Variants in STAB2 observed in about 807,000 individuals in gnomAD.
STAB2 encodes the protein stabilin 2.
A neutral mutation model predicts 338.1 loss-of-function variants in STAB2; 288 were observed. The ratio of observed to expected loss-of-function variants is 0.85; its 90% CI spans 0.77 to 0.94. The LOEUF (loss-of-function observed/expected upper bound fraction) is 0.94. Ranked by LOEUF, STAB2 falls within the 40% of genes least tolerant of loss-of-function variation. The pLI is 0.00. For synonymous variants in STAB2, 1,202 were observed against 1,193.3 expected (o/e 1.01, Z -0.15); for missense variants, 3,141 against 3,210.1 (o/e 0.98, Z 0.52).
intron 50 of STAB2, among the ~76,000 whole-genome samples, chr12:103,732,109 T>A (rs750473855): frequency 1.3e-5 from 2 of 151,902 alleles, no homozygotes; most frequent in African/African-American, 4.8e-5. Context: ...AGGAGTTTGA[T>A]ACCAGCCTGG....
intron 37 of STAB2, 129 bp downstream of exon 37, chr12:103,705,856 T>C (rs1879303550): frequency 1.2e-6 from 1 of 822,946 alleles, no homozygotes; most frequent in South Asian, 1.6e-5. Flanking sequence ...ACCTGCATTA[T>C]CATTGTCATC....
chr12:103,744,461 CTT>C (rs3035275), intron 56 of STAB2, among the ~76,000 whole-genome samples: 21,275 of 122,030 alleles, frequency 0.17, 2,536 homozygotes, highest in East Asian at 0.66. Flanking sequence ...CACAATTTTA[CTT>C]TTTTTTTTTT....
At chr12:103,718,952 A>G (rs1880543131) in intron 44 of STAB2, among the ~76,000 whole-genome samples, 1 of 152,092 alleles carries the variant, frequency 6.6e-6, no homozygotes, top group Non-Finnish European at 1.5e-5. Flanking sequence ...TTGTTGACAC[A>G]CTTCTTGTCT....
intron 34 of STAB2, among the ~76,000 whole-genome samples, chr12:103,702,860 G>A (rs929504205): frequency 6.6e-6 from 1 of 152,202 alleles, no homozygotes; most frequent in Non-Finnish European, 1.5e-5. Context: ...CTTCATGGAA[G>A]ATACCTAGAA....
At position 103,594,507 on chromosome 12, in the gene STAB2, A is replaced by G. The variant is rs17034186; in HGVS notation, c.328A>G (p.Ile110Val). The G allele has an allele frequency of 6.7e-3, 10,769 of 1,612,076 alleles. 668 individuals carry two copies. The African/African-American group carries it at 0.13, about 19-fold the overall frequency. ...TCCTGGCCGCTGGGGCCCAGACTGT[A>G]TAGGTAAGTGGCACAATGCTTGGAC... ...CCPGRWGPDC[I>V]ECPGGAGSPC... The change falls in exon 3 of 69, where the codon ATA becomes GTA. Residue 110 changes from isoleucine to valine, a missense_variant. Physicochemically the swap from Ile to Val is conservative, Grantham distance 29. Coordinates refer to ENST00000388887, the MANE Select transcript of STAB2 (RefSeq NM_017564.10).
At position 103,587,565 on chromosome 12, in the gene STAB2, G is replaced by A. The variant is rs1474384601; in HGVS notation, c.81+8G>A. 2 of 1,610,944 alleles carry A rather than the reference G, an allele frequency of 1.2e-6. No homozygotes were observed. The highest frequency in any genetic ancestry group is 1.7e-6 in the Non-Finnish European group (2 of 1,177,408). ...GCTGAAACCACAGGGCAGGTAAGAG[G>A]AGACTTACATATTTTTTTCATTTGT... On this transcript the variant is annotated splice_region_variant and intron_variant, in intron 1 of 68. Transcript: ENST00000388887.
At position 103,745,255 on chromosome 12, in the gene STAB2, C is replaced by A; in HGVS notation, c.6114C>A (p.Gly2038=). ...GCCTCTGTGAAACGGGGTGGACAGG[C>A]CCCTCGTGTGACACTCAGGCAGGTC... ...GQCLCETGWT[G]PSCDTQAVLP... Residue 2038 remains glycine (G), a synonymous_variant, in exon 57 of 69, where the codon GGC becomes GGA. Coordinates refer to ENST00000388887, the MANE Select transcript of STAB2 (RefSeq NM_017564.10). 6.2e-7 allele frequency: 1 copy of A among 1,613,716 alleles called. No individual in the cohort carries two copies. The highest frequency in any genetic ancestry group is 8.5e-7 in the Non-Finnish European group (1 of 1,179,930).
intron 6 of STAB2, among the ~76,000 whole-genome samples, chr12:103,634,931 G>T (rs1378014316): frequency 6.6e-6 from 1 of 152,208 alleles, no homozygotes; most frequent in South Asian, 2.1e-4. Context: ...AACTAGTCAC[G>T]TGATCTTTCC....
chr12:103,761,389 A>G lies in STAB2; in HGVS notation c.7338A>G (p.Leu2446=), dbSNP rs1158072981. 6.2e-7 allele frequency: 1 copy of G among 1,613,696 alleles called. No homozygotes were observed. The highest frequency in any genetic ancestry group is 8.5e-7 in the Non-Finnish European group (1 of 1,179,962). Residue 2446 remains leucine, a synonymous_variant, in exon 66 of 69, where the codon TTA becomes TTG. Coordinates refer to ENST00000388887, the MANE Select transcript of STAB2 (RefSeq NM_017564.10). ...TCATTCATGTCATTTCCAGGCCTTTAAAAGCACCCCCTGCCCCCGTGGTGA... is the reference window on the plus strand; with the variant it reads ...TCATTCATGTCATTTCCAGGCCTTTGAAAGCACCCCCTGCCCCCGTGGTGA... ...NGIIHVISRP[L]KAPPAPVTLT... is the part of the protein sequence containing the mutation.
At chr12:103,638,470 G>A (rs1452710050) in intron 8 of STAB2, among the ~76,000 whole-genome samples, 2 of 152,104 alleles carry the variant, frequency 1.3e-5, no homozygotes, top group Non-Finnish European at 2.9e-5. Context: ...GTCCTATATG[G>A]TGTTTGGCAA....
rs751407892 is a variant in STAB2 at position 103,733,195 on chromosome 12, C to T, written c.5460+13C>T. The T allele has an allele frequency of 1.9e-6, 3 of 1,612,698 alleles. No individual in the cohort carries two copies. The highest frequency in any genetic ancestry group is 4.5e-5 in the East Asian group (2 of 44,888). ...ACGAGATGCCAAGGTATTTAGTTTA[C>T]ATGCAGACATAAGTGCAAGAATGTC... On this transcript the variant is annotated intron_variant, in intron 51 of 68. Coordinates refer to ENST00000388887, the MANE Select transcript of STAB2 (RefSeq NM_017564.10).
chr12:103,742,608 T>C, intron 56 of STAB2, 54 bp downstream of exon 56: 1 of 1,608,520 alleles, frequency 6.2e-7, no homozygotes, highest in Non-Finnish European at 8.5e-7. Context: ...GTGTGCTCCC[T>C]GTCCTTGTTC....
At chr12:103,682,160 TGGG>T (rs1213604192) in intron 25 of STAB2, among the ~76,000 whole-genome samples, 1 of 151,956 alleles carries the variant, frequency 6.6e-6, no homozygotes, top group African/African-American at 2.4e-5. Context: ...GATGGGAAGA[TGGG>T]AAGATGGGAA....
rs533862443 is a variant in STAB2, at chr12:103,609,485, G to C, written c.332-10983G>C. Among the ~76,000 whole-genome samples, 18 of 152,242 alleles carry C rather than the reference G, an allele frequency of 1.2e-4. No homozygotes were observed. In the East Asian group the frequency reaches 3.5e-3, roughly 29 times the overall value. ...GAGTTCACTCATGATTTGGCTCTCTGTTTGTCTGTTATTGGAGTATAAGAA... is the reference window on the plus strand; with the variant it reads ...GAGTTCACTCATGATTTGGCTCTCTCTTTGTCTGTTATTGGAGTATAAGAA... On this transcript the variant is annotated intron_variant, in intron 3 of 68. Transcript: ENST00000388887.
At chr12:103,677,391 T>C in intron 24 of STAB2, 62 bp from the exon 25 acceptor site, 1 of 1,530,314 alleles carries the variant, frequency 6.5e-7, no homozygotes, top group Middle Eastern at 1.8e-4. Context: ...TCTCTCTTAT[T>C]TTTGGAATCA....
chr12:103,668,450 C>T (rs1191295356), intron 19 of STAB2, 193 bp from the exon 20 acceptor site: 1 of 574,190 alleles, frequency 1.7e-6, no homozygotes, highest in African/African-American at 1.9e-5. Context: ...TGTATTCCAC[C>T]AACAAGGGAA....
rs764907387 is a variant in STAB2, at chr12:103,670,781, A to G, written c.2345A>G (p.Asn782Ser). ...CAGTGTCAGTTCTGCTCTGATCCCAATAAATACGGACCTCGGTGTAACAAA... is the reference window on the plus strand; with the variant it reads ...CAGTGTCAGTTCTGCTCTGATCCCAGTAAATACGGACCTCGGTGTAACAAA... ...GSQCQFCSDPNKYGPRCNKKC... is the reference protein window; with the variant it reads ...GSQCQFCSDPSKYGPRCNKKC... Residue 782 changes from asparagine to serine, a missense_variant, in exon 22 of 69, where the codon AAT becomes AGT. Coordinates refer to ENST00000388887, the MANE Select transcript of STAB2 (RefSeq NM_017564.10). The G allele has an allele frequency of 3.1e-6, 5 of 1,613,984 alleles. No individual in the cohort carries two copies. The highest frequency in any genetic ancestry group is 2.7e-5 in the African/African-American group (2 of 74,914).
intron 6 of STAB2, among the ~76,000 whole-genome samples, chr12:103,635,164 A>G (rs911353333): frequency 4.4e-4 from 67 of 152,212 alleles, no homozygotes; most frequent in African/African-American, 1.6e-3. Flanking sequence ...GGATGTTTGT[A>G]TACTGAACAG....
At chr12:103,733,452 TGCA>T (rs1392118154) in intron 51 of STAB2, among the ~76,000 whole-genome samples, 1 of 152,166 alleles carries the variant, frequency 6.6e-6, no homozygotes, top group Non-Finnish European at 1.5e-5. Context: ...CTCTCTCTAC[TGCA>T]GATCAGCGTT....
Sources: allele counts gnomAD v4.1 joint callset (sites outside exome capture counted in the v4.1 genomes callset), GRCh38; gene constraint gnomAD v4.1.1; transcripts MANE v1.5; gene names NCBI Gene and HGNC (gene_info 2026-07-23, HGNC 2026-07-21).